BMAL2: variants seen among roughly 807,000 people sequenced by gnomAD.
BMAL2 encodes basic helix-loop-helix ARNT like 2, also known as basic helix-loop-helix ARNT-like protein 2.
At chr12:27,344,372 A>G in the BMAL2 span, among the ~76,000 whole-genome samples, 1 of 152,178 alleles carries the variant, frequency 6.6e-6, no homozygotes, top group Non-Finnish European at 1.5e-5. Flanking sequence ...TGATTGTGTG[A>G]TGTTTGGCAT....
the BMAL2 span, among the ~76,000 whole-genome samples, chr12:27,369,262 T>C: frequency 6.6e-6 from 1 of 151,876 alleles, no homozygotes; most frequent in African/African-American, 2.4e-5. Context: ...GATAAGGACA[T>C]AATAAAACAT....
At chr12:27,372,882 C>T in the BMAL2 span, among the ~76,000 whole-genome samples, 1 of 152,214 alleles carries the variant, frequency 6.6e-6, no homozygotes, top group South Asian at 2.1e-4. Flanking sequence ...ACCGTATTAG[C>T]CAGGATGGTC....
chr12:27,418,940 C>T, the BMAL2 span, among the ~76,000 whole-genome samples: 2 of 148,922 alleles, frequency 1.3e-5, no homozygotes, highest in Non-Finnish European at 3.0e-5. Context: ...TGTCGTACTG[C>T]TGCACTCCAG....
the BMAL2 span, among the ~76,000 whole-genome samples, chr12:27,410,407 G>A: frequency 3.9e-5 from 6 of 151,984 alleles, no homozygotes; most frequent in African/African-American, 7.2e-5. Flanking sequence ...ATGGAATACT[G>A]TGCAGCCATA....
the BMAL2 span, among the ~76,000 whole-genome samples, chr12:27,405,675 C>G: frequency 1.3e-5 from 2 of 150,552 alleles, no homozygotes; most frequent in Non-Finnish European, 2.9e-5. Context: ...ACTGGAAACT[C>G]TAAAAATCAG....
the BMAL2 span, among the ~76,000 whole-genome samples, chr12:27,369,852 AT>A: frequency 6.6e-6 from 1 of 152,148 alleles, no homozygotes; most frequent in Non-Finnish European, 1.5e-5. Context: ...ACAGTATGGC[AT>A]TTTTTTGTCA....
At chr12:27,343,032 A>G in the BMAL2 span, among the ~76,000 whole-genome samples, 6,233 of 152,334 alleles carry the variant, frequency 0.041, 155 homozygotes, top group Non-Finnish European at 0.061. Context: ...AGAGCAAATT[A>G]TTTAGCAAAA....
chr12:27,346,749 G>A, the BMAL2 span, among the ~76,000 whole-genome samples: 1 of 152,146 alleles, frequency 6.6e-6, no homozygotes, highest in Non-Finnish European at 1.5e-5. Context: ...AAAACCATAG[G>A]TGTGTAGTTG....
At chr12:27,334,869 T>A in the BMAL2 span, among the ~76,000 whole-genome samples, 6 of 152,328 alleles carry the variant, frequency 3.9e-5, no homozygotes, top group African/African-American at 1.4e-4. Flanking sequence ...GTGAGGTAGG[T>A]AGTATCTCCA....
the BMAL2 span, chr12:27,400,536 C>G: frequency 3.8e-6 from 6 of 1,559,666 alleles, no homozygotes; most frequent in African/African-American, 8.3e-5. Flanking sequence ...TGAATTAGAG[C>G]ACAGAAAATT....
the BMAL2 span, among the ~76,000 whole-genome samples, chr12:27,406,024 G>T: frequency 6.6e-6 from 1 of 152,168 alleles, no homozygotes; most frequent in Non-Finnish European, 1.5e-5. Flanking sequence ...GAAATGAAGT[G>T]AGAAGAGACG....
the BMAL2 span, among the ~76,000 whole-genome samples, chr12:27,346,322 A>T: frequency 6.6e-6 from 1 of 152,110 alleles, no homozygotes; most frequent in East Asian, 1.9e-4. Context: ...GTGCAGTGGC[A>T]CAATCTCAGC....
At chr12:27,412,473 A>G in the BMAL2 span, among the ~76,000 whole-genome samples, 1 of 152,168 alleles carries the variant, frequency 6.6e-6, no homozygotes, top group Non-Finnish European at 1.5e-5. Flanking sequence ...TCTGATTGTA[A>G]AGAGATGAGG....
At chr12:27,353,076 C>A in the BMAL2 span, among the ~76,000 whole-genome samples, 1 of 152,206 alleles carries the variant, frequency 6.6e-6, no homozygotes, top group Admixed American at 6.5e-5. Flanking sequence ...TAGAAAAAAA[C>A]GATTCCAAAA....
the BMAL2 span, among the ~76,000 whole-genome samples, chr12:27,383,942 A>C: frequency 6.6e-6 from 1 of 152,102 alleles, no homozygotes; most frequent in East Asian, 1.9e-4. Flanking sequence ...TGCCACCACC[A>C]CCACCACTTA....
the BMAL2 span, among the ~76,000 whole-genome samples, chr12:27,343,540 T>A: frequency 1.3e-5 from 2 of 152,242 alleles, no homozygotes; most frequent in Non-Finnish European, 2.9e-5. Context: ...GGAATTATAT[T>A]TTGTTGAGCT....
chr12:27,390,000 C>T, the BMAL2 span: 5 of 1,458,020 alleles, frequency 3.4e-6, no homozygotes, highest in Admixed American at 9.6e-5. Flanking sequence ...TTTCCTTTCT[C>T]AATAATAGAT....
At chr12:27,405,090 A>G in the BMAL2 span, among the ~76,000 whole-genome samples, 1 of 152,152 alleles carries the variant, frequency 6.6e-6, no homozygotes, top group Non-Finnish European at 1.5e-5. Context: ...TAGGTAAACA[A>G]AGCAGCCGGG....
At chr12:27,374,067 G>T in the BMAL2 span, among the ~76,000 whole-genome samples, 1 of 152,270 alleles carries the variant, frequency 6.6e-6, no homozygotes, top group Admixed American at 6.5e-5. Context: ...TTTGCATTTA[G>T]TAAGTACAGT....
Sources: gnomAD v4.1 joint callset for allele counts (sites outside exome capture counted in the v4.1 genomes callset) on GRCh38, gnomAD v4.1.1 for gene constraint, MANE v1.5 for transcripts, NCBI Gene and HGNC (gene_info 2026-07-23, HGNC 2026-07-21) for gene names.